The following QRICH1 variants were observed in gnomAD, a reference collection of about 807,000 sequenced individuals.
QRICH1 encodes glutamine rich 1.
Under a neutral mutation model 87.1 loss-of-function variants are expected in QRICH1, and 16 were observed. The ratio of observed to expected loss-of-function variants is 0.18; its 90% confidence interval spans 0.12 to 0.28. The LOEUF (loss-of-function observed/expected upper bound fraction) is 0.28, where lower values mean the gene tolerates loss of function less well. Among genes scored for constraint, QRICH1 ranks in the 10% least tolerant of loss-of-function variants. The probability of loss-of-function intolerance (pLI) is 1.00; values close to 1 mark genes in which losing one functional copy is unlikely to be tolerated. For synonymous variants in QRICH1, 367 were observed against 368.4 expected (o/e 1.00, Z 0.05); for missense variants, 647 against 951.7 (o/e 0.68, Z 4.21).
chr3:49,049,150 C>T (rs2093355669), intron 3 of QRICH1, among the ~76,000 whole-genome samples: 1 of 151,910 alleles, frequency 6.6e-6, no homozygotes, highest in South Asian at 2.1e-4. Flanking sequence ...CTGATCTGCC[C>T]GCCTTGGCCT....
intron 2 of QRICH1, among the ~76,000 whole-genome samples, chr3:49,069,245 G>A (rs1329122955): frequency 6.6e-6 from 1 of 151,440 alleles, no homozygotes; most frequent in Non-Finnish European, 1.5e-5. Context: ...TGGGATTACA[G>A]GTGCCCACCA....
intron 1 of QRICH1, among the ~76,000 whole-genome samples, chr3:49,090,056 T>C (rs1457625935): frequency 6.6e-6 from 1 of 152,224 alleles, no homozygotes; most frequent in Non-Finnish European, 1.5e-5. Flanking sequence ...GGCTCACGCC[T>C]GTAATCTCAG....
At chr3:49,041,519 G>A (rs759025760) in intron 6 of QRICH1, among the ~76,000 whole-genome samples, 51 of 151,984 alleles carry the variant, frequency 3.4e-4, no homozygotes, top group Admixed American at 1.4e-3. Flanking sequence ...ATGAGATGGG[G>A]GTCTCACTTT....
At chr3:49,036,973 AG>A (rs960815058) in intron 6 of QRICH1, among the ~76,000 whole-genome samples, 7 of 147,298 alleles carry the variant, frequency 4.8e-5, no homozygotes, top group African/African-American at 1.7e-4. Flanking sequence ...CTGAGGTGGG[AG>A]GATCGCTTGG....
rs1559938170 is a variant in QRICH1 at position 49,057,547 on chromosome 3, G to C, written c.653C>G (p.Ala218Gly). 6.2e-7 allele frequency: 1 copy of C among 1,613,216 alleles called. No individual in the cohort carries two copies. Among genetic ancestry groups the C allele is most frequent in the Non-Finnish European group, 8.5e-7 (1 of 1,179,408 alleles). ...CTGCTGGGATGGTGGTGGGGAAAGGGCACCCACGGTCTGGATTTGGATCTG... is the reference window on the plus strand; with the variant it reads ...CTGCTGGGATGGTGGTGGGGAAAGGCCACCCACGGTCTGGATTTGGATCTG... The part of the protein sequence containing the change: ...GQQIQIQTVG[A>G]LSPPPSQQGS... The change falls in exon 3 of 10, where the codon GCC (alanine) becomes GGC (glycine). Residue 218 changes from alanine (A) to glycine (G), a missense_variant. Transcript: ENST00000395443. The surrounding 1 kb of genome is among the most constrained non-coding windows in gnomAD (Gnocchi z 5.4).
intron 2 of QRICH1, among the ~76,000 whole-genome samples, chr3:49,075,401 A>G (rs528038594): frequency 2.0e-5 from 3 of 151,802 alleles, no homozygotes; most frequent in African/African-American, 7.2e-5. Context: ...GAGCCCGAGA[A>G]GGGCAGATTA....
At chr3:49,045,770 T>C (rs973013785) in intron 5 of QRICH1, among the ~76,000 whole-genome samples, 4 of 151,386 alleles carry the variant, frequency 2.6e-5, no homozygotes, top group African/African-American at 9.7e-5. Context: ...CAGCTAATTT[T>C]TTGTAGAGAT....
intron 5 of QRICH1, among the ~76,000 whole-genome samples, 183 bp from the exon 6 acceptor site, chr3:49,044,687 C>T (rs1264368900): frequency 1.3e-5 from 2 of 152,142 alleles, no homozygotes; most frequent in African/African-American, 4.8e-5. Flanking sequence ...ATTCTCATGA[C>T]ATTCTTGAGA....
At chr3:49,049,651 T>A (rs918800755) in intron 3 of QRICH1, among the ~76,000 whole-genome samples, 3 of 151,580 alleles carry the variant, frequency 2.0e-5, no homozygotes, top group Non-Finnish European at 4.4e-5. Flanking sequence ...GTGTCTGCCA[T>A]CATGCCCGGC....
At chr3:49,044,163 C>A (rs1187024352) in intron 6 of QRICH1, among the ~76,000 whole-genome samples, 1 of 152,116 alleles carries the variant, frequency 6.6e-6, no homozygotes, top group East Asian at 1.9e-4. Flanking sequence ...AGTAACTACC[C>A]CACTAGTTCT....
intron 4 of QRICH1, 57 bp downstream of exon 4, chr3:49,047,012 G>A: frequency 1.3e-6 from 2 of 1,551,938 alleles, no homozygotes; most frequent in South Asian, 1.2e-5. Flanking sequence ...TTGTCCTCCT[G>A]TTACTTTAGT....
In QRICH1 at chr3:49,032,139, C is replaced by T. The variant is rs765682298; in HGVS notation, c.2138+44G>A. 6.2e-6 allele frequency: 9 copies of T among 1,441,100 alleles called. No individual in the cohort carries two copies. In the African/African-American group the frequency reaches 1.1e-4, roughly 18 times the overall value. The allele number at this position is 1,441,100 out of a possible 1,614,324, so 89.3% of individuals were successfully genotyped here. Reference sequence around the variant, plus strand: ...ACAAGTGAGCATGCACACGCATACACACACATGCGCACACATGGACAGCAA... The same window carrying T: ...ACAAGTGAGCATGCACACGCATACATACACATGCGCACACATGGACAGCAA... On this transcript the variant is annotated intron_variant, in intron 9 of 9. Transcript: ENST00000395443.
Position 49,057,533 on chromosome 3 carries a change from G to A in QRICH1, c.667C>T (p.Pro223Ser). Residue 223 changes from proline (P) to serine (S), a missense_variant, in exon 3 of 10, where the codon CCA becomes TCA. By Grantham distance (74) the Pro-to-Ser change is moderately conservative. This residue lies in a region of QRICH1 where 156 missense variants were observed against 164.5 expected (regional missense o/e 0.95). Coordinates refer to ENST00000395443, the MANE Select transcript of QRICH1 (RefSeq NM_198880.3). The surrounding 1 kb of genome is among the most constrained non-coding windows in gnomAD (Gnocchi z 5.4). ...TCCCGGGGTGAGCCCTGCTGGGATG[G>A]TGGTGGGGAAAGGGCACCCACGGTC... The part of the protein sequence containing the change: ...IQTVGALSPP[P>S]SQQGSPREGE... 6.2e-7 allele frequency: 1 copy of A among 1,613,414 alleles called. No homozygotes were observed. The highest frequency in any genetic ancestry group is 8.5e-7 in the Non-Finnish European group (1 of 1,179,496).
chr3:49,065,241 T>A (rs550766497), intron 2 of QRICH1, among the ~76,000 whole-genome samples: 1 of 151,358 alleles, frequency 6.6e-6, no homozygotes, highest in South Asian at 2.1e-4. Context: ...GCCTCCTGGG[T>A]TCAAGCAATT....
At chr3:49,041,634 CCTT>C (rs1344676726) in intron 6 of QRICH1, among the ~76,000 whole-genome samples, 3 of 151,416 alleles carry the variant, frequency 2.0e-5, no homozygotes, top group East Asian at 1.9e-4. Flanking sequence ...AGCTGCTACT[CCTT>C]TTTTTTTTTC....
intron 6 of QRICH1, among the ~76,000 whole-genome samples, chr3:49,037,623 T>G (rs867503263): frequency 4.6e-5 from 7 of 151,874 alleles, no homozygotes; most frequent in Non-Finnish European, 1.0e-4. Flanking sequence ...TCCCAGCTAC[T>G]CGGGAGGCTG....
At chr3:49,040,470 C>T (rs2093303602) in intron 6 of QRICH1, among the ~76,000 whole-genome samples, 2 of 152,186 alleles carry the variant, frequency 1.3e-5, no homozygotes, top group African/African-American at 4.8e-5. Context: ...AAAAAAAAGA[C>T]AAAGTACTAG....
At chr3:49,087,309 A>G (rs2042184574) in intron 1 of QRICH1, among the ~76,000 whole-genome samples, 1 of 151,918 alleles carries the variant, frequency 6.6e-6, no homozygotes, top group South Asian at 2.1e-4. Flanking sequence ...CTATAATCCC[A>G]GCAGTTTGGG....
intron 1 of QRICH1, among the ~76,000 whole-genome samples, chr3:49,088,545 A>G (rs1575387898): frequency 7.0e-6 from 1 of 142,754 alleles, no homozygotes; most frequent in South Asian, 2.2e-4. Flanking sequence ...TGAGGAGTTC[A>G]TTTCCACGGC....
Sources: allele counts gnomAD v4.1 joint callset (sites outside exome capture counted in the v4.1 genomes callset), GRCh38; gene constraint gnomAD v4.1.1; regional missense constraint gnomAD v4.1.1; non-coding constraint Gnocchi (gnomAD v3.1); transcripts MANE v1.5; gene names NCBI Gene and HGNC (gene_info 2026-07-23, HGNC 2026-07-21).